The following NUP210 variants were observed in gnomAD, a reference collection of about 807,000 sequenced individuals.
NUP210 encodes the protein nucleoporin 210.
In NUP210, 151 loss-of-function variants were observed where a neutral mutation model predicts 196.0. The observed-to-expected ratio is 0.77, with a 90% confidence interval of 0.67 to 0.88. The LOEUF (loss-of-function observed/expected upper bound fraction) is 0.88. Ranked by LOEUF, NUP210 falls within the 40% of genes least tolerant of loss-of-function variation. NUP210 has a pLI of 0.00. For missense variants in NUP210, 2,314 were observed against 2,493.7 expected (o/e 0.93, Z 1.53); for synonymous variants, 1,070 against 1,052.7 (o/e 1.02, Z -0.32).
intron 33 of NUP210, 52 bp downstream of exon 33, chr3:13,325,743 C>T (rs994279593): frequency 6.3e-7 from 1 of 1,599,624 alleles, no homozygotes; most frequent in Non-Finnish European, 8.5e-7. Context: ...GAAGGTCAGG[C>T]CCGCCTCACA....
At chr3:13,419,471 C>T (rs1700458834) in intron 1 of NUP210, among the ~76,000 whole-genome samples, 1 of 152,210 alleles carries the variant, frequency 6.6e-6, no homozygotes, top group South Asian at 2.1e-4. Context: ...CATCAGGACC[C>T]GCGCCGAGGC....
chr3:13,359,182 C>T (rs62232829), intron 15 of NUP210, among the ~76,000 whole-genome samples: 137 of 152,242 alleles, frequency 9.0e-4, no homozygotes, highest in Non-Finnish European at 1.7e-3. Flanking sequence ...CACCTGGTGC[C>T]GCATGTGAGG....
intron 11 of NUP210, 76 bp from the exon 12 acceptor site, chr3:13,373,949 T>G: frequency 6.6e-7 from 1 of 1,516,360 alleles, no homozygotes; most frequent in Non-Finnish European, 9.0e-7. Context: ...CAGAGACACG[T>G]GCGTGTGCAT....
At chr3:13,331,979 G>A (rs747453037) in intron 29 of NUP210, among the ~76,000 whole-genome samples, 1 of 152,158 alleles carries the variant, frequency 6.6e-6, no homozygotes, top group Non-Finnish European at 1.5e-5. Flanking sequence ...GCTACACTCT[G>A]AGTGGCAAGT....
intron 29 of NUP210, among the ~76,000 whole-genome samples, 181 bp from the exon 30 acceptor site, chr3:13,330,815 C>A (rs1394341702): frequency 1.3e-5 from 2 of 152,192 alleles, no homozygotes; most frequent in African/African-American, 4.8e-5. Flanking sequence ...TCATCAGTCA[C>A]CCACGGAAAA....
In NUP210 at chr3:13,365,970, G is replaced by T; in HGVS notation, c.1908C>A (p.Thr636=). 6.2e-7 allele frequency: 1 copy of T among 1,614,182 alleles called. No individual in the cohort carries two copies. Among genetic ancestry groups the T allele is most frequent in the Non-Finnish European group, 8.5e-7 (1 of 1,179,988 alleles). Residue 636 remains threonine, a synonymous_variant, in exon 14 of 40, where the codon ACC becomes ACA. Transcript: ENST00000254508. The stretch of plus-strand genomic sequence containing the variant: ...CCTTGAGGGGCAGGTAGGCAGCAAT[G>T]GTGATCTTGGCACTCAGGTGGACGT... ...HGHVHLSAKI[T]IAAYLPLKAV... is the part of the protein sequence containing the mutation.
chr3:13,319,651 A>G, intron 37 of NUP210, 112 bp downstream of exon 37: 3 of 899,244 alleles, frequency 3.3e-6, no homozygotes, highest in Non-Finnish European at 5.3e-6. Flanking sequence ...GACATTCTGC[A>G]TTTCTGACTC....
chr3:13,408,659 G>A (rs1200441014), intron 1 of NUP210, among the ~76,000 whole-genome samples: 1 of 151,992 alleles, frequency 6.6e-6, no homozygotes, highest in Non-Finnish European at 1.5e-5. Context: ...ATCATGGCGT[G>A]CACCTGTAAT....
chr3:13,319,306 C>T lies in NUP210; in HGVS notation c.5403G>A (p.Gln1801=). The T allele has an allele frequency of 6.2e-7, 1 of 1,610,622 alleles. No homozygotes were observed. Among genetic ancestry groups the T allele is most frequent in the Non-Finnish European group, 8.5e-7 (1 of 1,178,312 alleles). The change falls in exon 38 of 40, where the codon CAG becomes CAA. Residue 1801 remains glutamine (Q), a synonymous_variant. Transcript: ENST00000254508. The part of the protein sequence containing the change: ...GPGPYGASLF[Q]HFLDSYQVMF... ...TGACCTGGTAGGAATCCAGGAAGTG[C>T]TGGAAGAGGCTGGCTCCATCTGCCA... is the stretch of plus-strand genomic sequence containing the variant.
intron 6 of NUP210, among the ~76,000 whole-genome samples, chr3:13,382,663 T>C (rs1463837283): frequency 6.6e-6 from 1 of 152,194 alleles, no homozygotes; most frequent in African/African-American, 2.4e-5. Context: ...CAGTTATAAT[T>C]ATCGCATGTT....
chr3:13,374,907 G>A (rs1027015461), intron 11 of NUP210, among the ~76,000 whole-genome samples: 4 of 152,200 alleles, frequency 2.6e-5, no homozygotes, highest in East Asian at 1.9e-4. Context: ...CACTGACCAC[G>A]AGGACTCGAG....
At position 13,395,669 on chromosome 3, in the gene NUP210, G is replaced by A. The variant is rs201689127; in HGVS notation, c.436+1688C>T. Among the ~76,000 whole-genome samples the A allele has an allele frequency of 5.3e-5, 8 of 152,254 alleles. No homozygotes were observed. The South Asian group carries it at 1.0e-3, about 20-fold the overall frequency. On this transcript the variant is annotated intron_variant, in intron 3 of 39. Coordinates refer to ENST00000254508, the MANE Select transcript of NUP210 (RefSeq NM_024923.4). Reference sequence around the variant, plus strand: ...TAATATTCCATTGCAGGGGTCGACCGTGTTTTGTTTTTCCACTCATCCGTT... The same window carrying A: ...TAATATTCCATTGCAGGGGTCGACCATGTTTTGTTTTTCCACTCATCCGTT...
At chr3:13,359,031 C>T (rs991711999) in intron 15 of NUP210, among the ~76,000 whole-genome samples, 2 of 152,166 alleles carry the variant, frequency 1.3e-5, no homozygotes, top group African/African-American at 4.8e-5. Context: ...AGCACCATGG[C>T]TCAGGGCCCA....
chr3:13,339,594 G>A (rs1227927274), intron 25 of NUP210, among the ~76,000 whole-genome samples: 1 of 152,230 alleles, frequency 6.6e-6, no homozygotes, highest in Non-Finnish European at 1.5e-5. Context: ...TTTGGGGCCG[G>A]GAGTTGCTGA....
intron 22 of NUP210, 42 bp from the exon 23 acceptor site, chr3:13,341,925 C>A: frequency 6.2e-7 from 1 of 1,613,364 alleles, no homozygotes. Context: ...AAGACCACCC[C>A]GTGGGAAAGG....
Position 13,323,555 on chromosome 3 carries a change from T to G in NUP210, c.4645-123A>C. On this transcript the variant is annotated intron_variant, in intron 33 of 39. Coordinates refer to ENST00000254508, the MANE Select transcript of NUP210 (RefSeq NM_024923.4). The surrounding 1 kb of genome is among the most constrained non-coding windows in gnomAD (Gnocchi z 4.3). ...TCACCCGTTTCACAGGTGGCAACACTGAGGCTCAAAGCCTAAACGCCTTGC... is the reference window on the plus strand; with the variant it reads ...TCACCCGTTTCACAGGTGGCAACACGGAGGCTCAAAGCCTAAACGCCTTGC... 8.8e-7 allele frequency: 1 copy of G among 1,135,696 alleles called. No homozygotes were observed. Among genetic ancestry groups the G allele is most frequent in the Non-Finnish European group, 1.3e-6 (1 of 796,402 alleles). 70.4% of individuals were successfully genotyped at this position (1,135,696 alleles called of 1,614,324 possible). A position where few individuals can be genotyped will look rare whatever the true frequency, so the allele number is the denominator to read the frequency against.
At chr3:13,325,630 C>G (rs1361078948) in intron 33 of NUP210, among the ~76,000 whole-genome samples, 165 bp downstream of exon 33, 2 of 152,186 alleles carry the variant, frequency 1.3e-5, no homozygotes, top group African/African-American at 4.8e-5. Flanking sequence ...GGAGCTTGTC[C>G]CCATGTCAGA....
intron 1 of NUP210, among the ~76,000 whole-genome samples, chr3:13,406,291 T>C (rs9817861): frequency 0.27 from 40,318 of 151,966 alleles, 8,376 homozygotes; most frequent in African/African-American, 0.58. Context: ...AGGGGCAGGG[T>C]AATGTCCTAC....
chr3:13,355,817 T>C (rs1698154453), intron 16 of NUP210, among the ~76,000 whole-genome samples: 1 of 152,170 alleles, frequency 6.6e-6, no homozygotes, highest in Non-Finnish European at 1.5e-5. Context: ...CTCCCCCAGA[T>C]GCAATCCTGG....
Sources: allele counts gnomAD v4.1 joint callset (sites outside exome capture counted in the v4.1 genomes callset), GRCh38; gene constraint gnomAD v4.1.1; non-coding constraint Gnocchi (gnomAD v3.1); transcripts MANE v1.5; gene names NCBI Gene and HGNC (gene_info 2026-07-23, HGNC 2026-07-21).